BLCAP: variants seen among roughly 807,000 people sequenced by gnomAD.
The protein encoded by BLCAP is apoptosis inducing factor BLCAP.
Under a neutral mutation model 5.7 loss-of-function variants are expected in BLCAP, and 1 was observed. The ratio of observed to expected loss-of-function variants is 0.18; its 90% CI spans 0.06 to 0.83. BLCAP has a LOEUF of 0.83. Among genes scored for constraint, BLCAP ranks in the 40% least tolerant of loss-of-function variants. The pLI is 0.71. For synonymous variants in BLCAP, 48 were observed against 49.4 expected (o/e 0.97, Z 0.11); for missense variants, 66 against 107.6 (o/e 0.61, Z 1.71).
chr20:37,526,368 C>G (rs939753886), intron 1 of BLCAP, among the ~76,000 whole-genome samples: 1 of 151,370 alleles, frequency 6.6e-6, no homozygotes, highest in Non-Finnish European at 1.5e-5. Context: ...CTTTTCCCCC[C>G]GGTAACCTCT....
At position 37,518,910 on chromosome 20, in the gene BLCAP, G is replaced by A. The variant is rs753984398; in HGVS notation, c.*1C>T. ...CCTTGGAAAGCTAACAGGGCAGGCC[G>A]TTAGGTGCCCACAACGCCGGGATCA... On this transcript the variant is annotated 3_prime_UTR_variant, in exon 2 of 2. Coordinates refer to ENST00000373537, the MANE Select transcript of BLCAP (RefSeq NM_006698.4). The A allele has an allele frequency of 1.9e-5, 30 of 1,613,934 alleles. No homozygotes were observed. The South Asian group carries it at 2.0e-4, about 11-fold the overall frequency.
chr20:37,522,760 G>A (rs2071632474), intron 1 of BLCAP: 1 of 1,597,600 alleles, frequency 6.3e-7, no homozygotes, highest in East Asian at 2.3e-5. Flanking sequence ...CCCCAACTGA[G>A]GCCCCAGCTC....
intron 1 of BLCAP, chr20:37,522,574 G>C (rs2071622611): frequency 1.0e-5 from 14 of 1,392,702 alleles, no homozygotes; most frequent in Middle Eastern, 2.5e-4. Context: ...TGGGCGGGCG[G>C]GGCAGGGGGT....
Position 37,518,962 on chromosome 20 carries a change from G to A in BLCAP, c.213C>T (p.Ser71=), listed in dbSNP as rs149533209. Residue 71 remains serine (S), a synonymous_variant, in exon 2 of 2, where the codon TCC becomes TCT. Transcript: ENST00000373537. ...CWGNCFLYHC[S]DSPLPESAHD... is the part of the protein sequence containing the mutation. ...GCGCCGATTCTGGAAGCGGGGAATC[G>A]GAGCAGTGGTACAGGAAACAGTTTC... The A allele has an allele frequency of 7.0e-4, 1,132 of 1,614,198 alleles. 1 individual carries two copies. The highest frequency in any genetic ancestry group is 8.8e-4 in the Non-Finnish European group (1,035 of 1,180,034).
chr20:37,518,218 G>C lies in BLCAP; in HGVS notation c.*693C>G, dbSNP rs2071445380. The C allele has an allele frequency of 6.6e-6, 1 of 152,204 alleles. No homozygotes were observed. The highest frequency in any genetic ancestry group is 1.5e-5 in the Non-Finnish European group (1 of 68,052). 9.4% of individuals were successfully genotyped at this position (152,204 alleles called of 1,614,324 possible). A position where few individuals can be genotyped will look rare whatever the true frequency, so the allele number is the denominator to read the frequency against. On this transcript the variant is annotated 3_prime_UTR_variant, in exon 2 of 2. Coordinates refer to ENST00000373537, the MANE Select transcript of BLCAP (RefSeq NM_006698.4). Reference sequence around the variant, plus strand: ...GAAGTGAGGCTGGGCGGGAAAGCTTGAGCCCAGACACCCAGGTGAAAGAGC... The same window carrying C: ...GAAGTGAGGCTGGGCGGGAAAGCTTCAGCCCAGACACCCAGGTGAAAGAGC...
chr20:37,522,625 G>T, intron 1 of BLCAP: 1 of 1,560,424 alleles, frequency 6.4e-7, no homozygotes, highest in South Asian at 1.2e-5. Context: ...ACATGCTGTG[G>T]GTGCTCTCCA....
At chr20:37,526,454 G>A (rs557126400) in intron 1 of BLCAP, among the ~76,000 whole-genome samples, 2 of 151,958 alleles carry the variant, frequency 1.3e-5, no homozygotes, top group South Asian at 4.2e-4. Flanking sequence ...TCCCCTCCCC[G>A]ACTTGCCCTC....
intron 1 of BLCAP, chr20:37,523,657 C>T (rs2071669084): frequency 6.5e-6 from 1 of 152,692 alleles, no homozygotes; most frequent in South Asian, 2.1e-4. Context: ...CACAGTGTCC[C>T]AGGACCCTGC....
At chr20:37,526,479 C>G (rs566969414) in intron 1 of BLCAP, among the ~76,000 whole-genome samples, 3 of 152,154 alleles carry the variant, frequency 2.0e-5, no homozygotes, top group Non-Finnish European at 4.4e-5. Flanking sequence ...AGGGCCCATG[C>G]ATGCCCCAGC....
At chr20:37,524,233 C>T (rs1809287633) in intron 1 of BLCAP, 1 of 152,366 alleles carries the variant, frequency 6.6e-6, no homozygotes, top group African/African-American at 2.4e-5. Flanking sequence ...GCCCCACATC[C>T]ACCAGGACCA....
chr20:37,524,736 T>C (rs1000243615), intron 1 of BLCAP, among the ~76,000 whole-genome samples: 10 of 152,162 alleles, frequency 6.6e-5, no homozygotes, highest in African/African-American at 2.2e-4. Context: ...AGCCCTTAAG[T>C]TTCTTAGCCC....
chr20:37,523,520 TGTG>T (rs2071662860), intron 1 of BLCAP: 1 of 152,684 alleles, frequency 6.5e-6, no homozygotes, highest in African/African-American at 2.4e-5. Flanking sequence ...TGGTCAATAT[TGTG>T]GTAATCGCTA....
At position 37,521,207 on chromosome 20, in the gene BLCAP, G is replaced by A. The variant is rs2071554788; in HGVS notation, c.-176-1857C>T. The A allele has an allele frequency of 9.5e-6, 9 of 942,520 alleles. No homozygotes were observed. Among genetic ancestry groups the A allele is most frequent in the South Asian group, 2.8e-5 (2 of 71,598 alleles). The allele number at this position is 942,520 out of a possible 1,614,324, so 58.4% of individuals were successfully genotyped here. On this transcript the variant is annotated intron_variant, in intron 1 of 1. Coordinates refer to ENST00000373537, the MANE Select transcript of BLCAP (RefSeq NM_006698.4). The surrounding 1 kb of genome is among the most constrained non-coding windows in gnomAD (Gnocchi z 4.5). ...CCCCCAAGGCGCGCATGCGCACTTAGGTGGCGGGCGGGTACTTAAGGCGCG... is the reference window on the plus strand; with the variant it reads ...CCCCCAAGGCGCGCATGCGCACTTAAGTGGCGGGCGGGTACTTAAGGCGCG...
intron 1 of BLCAP, 54 bp from the exon 2 acceptor site, chr20:37,519,404 C>CAAAAAAAAAAAAAAAAAAAAAAAAAAAA (rs543149253): frequency 4.7e-5 from 2 of 42,960 alleles, no homozygotes; most frequent in Non-Finnish European, 8.4e-5. Flanking sequence ...GACAGACAGA[C>CAAAAAAAAAAAAAAAAAAAAAAAAAAAA]AAAAAAAAAA....
intron 1 of BLCAP, chr20:37,522,837 C>T (rs1370146078): frequency 4.4e-6 from 6 of 1,354,662 alleles, no homozygotes; most frequent in Non-Finnish European, 6.0e-6. Context: ...GCCAGTGCCG[C>T]GCAGGAATGT....
rs1406534393 is a variant in BLCAP at position 37,517,769 on chromosome 20, CGAA to C, written c.*1139_*1141del. The C allele has an allele frequency of 6.6e-6, 1 of 152,660 alleles. No homozygotes were observed. Among genetic ancestry groups the C allele is most frequent in the Non-Finnish European group, 1.5e-5 (1 of 68,072 alleles). 9.5% of individuals were successfully genotyped at this position (152,660 alleles called of 1,614,324 possible). On this transcript the variant is annotated 3_prime_UTR_variant, in exon 2 of 2. Transcript: ENST00000373537. ...AATGTACAGTCTATATGCGCAGGAA[CGAA>C]GAAGCTCCTGGCGGGAGGATGATGG... is the stretch of plus-strand genomic sequence containing the variant.
chr20:37,522,476 T>TG, intron 1 of BLCAP: 1 of 1,580,514 alleles, frequency 6.3e-7, no homozygotes, highest in African/African-American at 1.3e-5. Context: ...CTTGCCGCCA[T>TG]GCAGCTCTCA....
intron 1 of BLCAP, among the ~76,000 whole-genome samples, chr20:37,526,271 T>TCCCCCCCCCCCTCCCCCCC (rs11477433): frequency 8.0e-6 from 1 of 125,184 alleles, no homozygotes; most frequent in African/African-American, 3.0e-5. Context: ...GCAGTTAACT[T>TCCCCCCCCCCCTCCCCCCC]CCCCCCCCCA....
rs2147182901 is a variant in BLCAP, at chr20:37,519,288, T to C, written c.-114A>G. 7.7e-7 allele frequency: 1 copy of C among 1,301,504 alleles called. No homozygotes were observed. Among genetic ancestry groups the C allele is most frequent in the East Asian group, 2.5e-5 (1 of 39,250 alleles). The allele number at this position is 1,301,504 out of a possible 1,614,324, so 80.6% of individuals were successfully genotyped here. A position where few individuals can be genotyped will look rare whatever the true frequency, so the allele number is the denominator to read the frequency against. On this transcript the variant is annotated 5_prime_UTR_variant, in exon 2 of 2. Coordinates refer to ENST00000373537, the MANE Select transcript of BLCAP (RefSeq NM_006698.4). ...CCTCCGCTTTCTTCAACCCTCACTC[T>C]CCAGGAGCTGAGCCGCTGTGCTCTC...
Sources: gnomAD v4.1 joint callset for allele counts (sites outside exome capture counted in the v4.1 genomes callset) on GRCh38, gnomAD v4.1.1 for gene constraint, Gnocchi (gnomAD v3.1) non-coding constraint, MANE v1.5 for transcripts, NCBI Gene and HGNC (gene_info 2026-07-23, HGNC 2026-07-21) for gene names.